Variants in DHRS11 observed in about 807,000 individuals in gnomAD.
DHRS11 encodes dehydrogenase/reductase SDR family member 11.
Under a neutral mutation model 30.7 loss-of-function variants are expected in DHRS11, and 18 were observed. The observed-to-expected ratio is 0.59, with a 90% CI of 0.41 to 0.87. DHRS11 has a LOEUF of 0.87. DHRS11 is among the 40% of genes least tolerant of loss of function. DHRS11 has a pLI of 0.00. For missense variants in DHRS11, 300 were observed against 349.0 expected (o/e 0.86, Z 1.12); for synonymous variants, 123 against 139.6 (o/e 0.88, Z 0.84).
At chr17:36,594,596 TAG>T (rs1009744035) in intron 1 of DHRS11, 13 of 290,668 alleles carry the variant, frequency 4.5e-5, no homozygotes, top group African/African-American at 2.7e-4. Context: ...GTATTTTCAG[TAG>T]AGATAGGGTT....
chr17:36,596,654 T>G (rs974358544), intron 2 of DHRS11: 3 of 380,254 alleles, frequency 7.9e-6, no homozygotes, highest in Non-Finnish European at 1.6e-5. Flanking sequence ...GGAAGGGTTT[T>G]TAAAATGTTT....
At chr17:36,597,147 G>T (rs572099889) in intron 2 of DHRS11, 1 of 267,882 alleles carries the variant, frequency 3.7e-6, no homozygotes, top group Middle Eastern at 1.4e-3. Flanking sequence ...CAGGGGCTGA[G>T]TTCTCTGCCT....
rs2074841597 is a variant in DHRS11 at position 36,599,748 on chromosome 17, C to T, written c.660C>T (p.Thr220=). 6 of 1,614,204 alleles carry T rather than the reference C, an allele frequency of 3.7e-6. No homozygotes were observed. Among genetic ancestry groups the T allele is most frequent in the Non-Finnish European group, 5.1e-6 (6 of 1,180,036 alleles). Residue 220 remains threonine (T), a synonymous_variant, in exon 5 of 7, where the codon ACC becomes ACT. Coordinates refer to ENST00000618403, the MANE Select transcript of DHRS11 (RefSeq NM_024308.4). ...AGGACCCTGAGAAGGCAGCTGCCACCTATGAGCAAATGAAGGTGGGGCCTC... is the reference window on the plus strand; with the variant it reads ...AGGACCCTGAGAAGGCAGCTGCCACTTATGAGCAAATGAAGGTGGGGCCTC... ...HDKDPEKAAA[T]YEQMKCLKPE... is the part of the protein sequence containing the mutation.
intron 1 of DHRS11, 127 bp from the exon 2 acceptor site, chr17:36,594,844 C>T (rs993803955): frequency 1.2e-5 from 11 of 927,910 alleles, no homozygotes; most frequent in East Asian, 5.2e-5. Context: ...CCAACATCTT[C>T]GTGGCTGAAA....
intron 2 of DHRS11, 92 bp downstream of exon 2, chr17:36,595,272 G>A: frequency 7.0e-7 from 1 of 1,435,268 alleles, no homozygotes; most frequent in Non-Finnish European, 9.5e-7. Flanking sequence ...CTGGGGACGG[G>A]ACATCTAGGA....
At chr17:36,595,230 G>A in intron 2 of DHRS11, 50 bp downstream of exon 2, 1 of 1,602,262 alleles carries the variant, frequency 6.2e-7, no homozygotes, top group Non-Finnish European at 8.5e-7. Flanking sequence ...GGAGGAGAGA[G>A]GGGAGCCAGG....
Position 36,599,151 on chromosome 17 carries a change from G to T in DHRS11, c.582+101G>T, listed in dbSNP as rs557136875. The T allele has an allele frequency of 5.3e-5, 78 of 1,477,372 alleles. No individual in the cohort carries two copies. In the African/African-American group the frequency reaches 1.0e-3, roughly 19 times the overall value. The allele number at this position is 1,477,372 out of a possible 1,614,324, so 91.5% of individuals were successfully genotyped here. On this transcript the variant is annotated intron_variant, in intron 4 of 6. Coordinates refer to ENST00000618403, the MANE Select transcript of DHRS11 (RefSeq NM_024308.4). ...CCATGTTCAGAATGTGCCGCTCAGA[G>T]CTCCTGGGAGTGGACTGGGCACAGA...
chr17:36,599,752 G>A lies in DHRS11; in HGVS notation c.664G>A (p.Glu222Lys). The change falls in exon 5 of 7, where the codon GAG (glutamate) becomes AAG (lysine). Residue 222 changes from glutamate to lysine, a missense_variant. Glu to Lys is a moderately conservative substitution (Grantham distance 56, BLOSUM62 1). Transcript: ENST00000618403. ...CCCTGAGAAGGCAGCTGCCACCTAT[G>A]AGCAAATGAAGGTGGGGCCTCCCTC... ...KDPEKAAATY[E>K]QMKCLKPEDV... 1 of 1,614,184 alleles carries A rather than the reference G, an allele frequency of 6.2e-7. No homozygotes were observed. The highest frequency in any genetic ancestry group is 1.7e-5 in the Admixed American group (1 of 60,012).
rs938861218 is a variant in DHRS11, at chr17:36,592,665, G to A, written c.147+509G>A. 3.9e-5 allele frequency among the ~76,000 whole-genome samples: 6 copies of A among 152,198 alleles called. No individual in the cohort carries two copies. The highest frequency in any genetic ancestry group is 4.8e-5 in the African/African-American group (2 of 41,444). ...GAATGAATGGAATATTCATTAGTGG[G>A]CCCTCCTCCACTCTCCTGGGGCGAA... is the stretch of plus-strand genomic sequence containing the variant. On this transcript the variant is annotated intron_variant, in intron 1 of 6. Coordinates refer to ENST00000618403, the MANE Select transcript of DHRS11 (RefSeq NM_024308.4). This position sits in a 1 kb window ranked among gnomAD's most constrained non-coding sequence, Gnocchi z 4.4.
At chr17:36,593,206 C>T (rs973276802) in intron 1 of DHRS11, among the ~76,000 whole-genome samples, 1 of 152,208 alleles carries the variant, frequency 6.6e-6, no homozygotes, top group African/African-American at 2.4e-5. Flanking sequence ...CACCTACTCC[C>T]CTACCGCAAG....
At chr17:36,599,823 G>C (rs1014406837) in intron 5 of DHRS11, 60 bp downstream of exon 5, 1 of 1,601,146 alleles carries the variant, frequency 6.2e-7, no homozygotes, top group African/African-American at 1.3e-5. Context: ...GCAGAGGGAA[G>C]CTCGGCCTTC....
Position 36,599,042 on chromosome 17 carries a change from C to T in DHRS11, c.574C>T (p.Arg192Ter), listed in dbSNP as rs777478465. ...GCTTCGGGAGGCCCAGACCCACATC[C>T]GAGCCACGGTGAGGCTGTGGCCTAG... Reference protein sequence around the residue: ...QELREAQTHIRATCISPGVVE... With the variant: ...QELREAQTHI Residue 192 changes from arginine (R) to a stop codon, truncating the protein, a stop_gained, in exon 4 of 7, where the codon CGA (arginine) becomes TGA (stop). Coordinates refer to ENST00000618403, the MANE Select transcript of DHRS11 (RefSeq NM_024308.4). LOFTEE classifies it high-confidence loss of function. 28 of 1,611,614 alleles carry T rather than the reference C, an allele frequency of 1.7e-5. No individual in the cohort carries two copies. Among genetic ancestry groups the T allele is most frequent in the Admixed American group, 3.3e-5 (2 of 59,990 alleles).
intron 1 of DHRS11, among the ~76,000 whole-genome samples, chr17:36,593,547 T>C (rs976797408): frequency 2.6e-5 from 4 of 152,164 alleles, no homozygotes; most frequent in Non-Finnish European, 5.9e-5. Flanking sequence ...GATTCAGTCA[T>C]TGATGTTAAA....
chr17:36,592,105 C>A lies in DHRS11; in HGVS notation c.96C>A (p.Val32=). 1 of 1,264,860 alleles carries A rather than the reference C, an allele frequency of 7.9e-7. No individual in the cohort carries two copies. Among genetic ancestry groups the A allele is most frequent in the Non-Finnish European group, 1.0e-6 (1 of 1,004,728 alleles). The allele number at this position is 1,264,860 out of a possible 1,614,324, so 78.4% of individuals were successfully genotyped here. ...GCGCGGCCGTGGCCCGGGCCCTGGTCCAGCAGGGACTGAAGGTGGTGGGCT... is the reference window on the plus strand; with the variant it reads ...GCGCGGCCGTGGCCCGGGCCCTGGTACAGCAGGGACTGAAGGTGGTGGGCT... ...GIGAAVARAL[V]QQGLKVVGCA... Residue 32 remains valine (V), a synonymous_variant, in exon 1 of 7, where the codon GTC becomes GTA. Coordinates refer to ENST00000618403, the MANE Select transcript of DHRS11 (RefSeq NM_024308.4). The surrounding 1 kb of genome is among the most constrained non-coding windows in gnomAD (Gnocchi z 4.4).
chr17:36,599,891 A>G (rs2074843383), intron 5 of DHRS11, 81 bp from the exon 6 acceptor site: 10 of 1,578,060 alleles, frequency 6.3e-6, no homozygotes, highest in Non-Finnish European at 8.7e-6. Context: ...GGATGTGTGG[A>G]TGCCACAGAG....
At chr17:36,598,633 G>T in intron 3 of DHRS11, 1 of 513,886 alleles carries the variant, frequency 1.9e-6, no homozygotes, top group South Asian at 2.6e-5. Flanking sequence ...CAATAGAACC[G>T]TATCAGTGAA....
At chr17:36,594,004 G>A (rs548512340) in intron 1 of DHRS11, among the ~76,000 whole-genome samples, 2 of 152,248 alleles carry the variant, frequency 1.3e-5, no homozygotes, top group African/African-American at 2.4e-5. Context: ...TGCACAGGGG[G>A]TGTTCAATGG....
chr17:36,592,016 A>T lies in DHRS11; in HGVS notation c.7A>T (p.Arg3Trp). The change falls in exon 1 of 7, where the codon AGG (arginine) becomes TGG (tryptophan). Residue 3 changes from arginine to tryptophan, a missense_variant. Transcript: ENST00000618403. The surrounding 1 kb of genome is among the most constrained non-coding windows in gnomAD (Gnocchi z 4.4). MA[R>W]PGMERWRDRL... ...GGACGGGCGGCGTGGGCCCATGGCC[A>T]GGCCCGGCATGGAGCGGTGGCGCGA... 1 of 1,228,324 alleles carries T rather than the reference A, an allele frequency of 8.1e-7. No homozygotes were observed. The allele number at this position is 1,228,324 out of a possible 1,614,324, so 76.1% of individuals were successfully genotyped here. A position where few individuals can be genotyped will look rare whatever the true frequency, so the allele number is the denominator to read the frequency against.
At chr17:36,598,636 T>C (rs1016486213) in intron 3 of DHRS11, 2 of 517,594 alleles carry the variant, frequency 3.9e-6, no homozygotes, top group African/African-American at 3.9e-5. Flanking sequence ...TAGAACCGTA[T>C]CAGTGAACAT....
Sources: allele counts gnomAD v4.1 joint callset (sites outside exome capture counted in the v4.1 genomes callset), GRCh38; gene constraint gnomAD v4.1.1; non-coding constraint Gnocchi (gnomAD v3.1); transcripts MANE v1.5; gene names NCBI Gene and HGNC (gene_info 2026-07-23, HGNC 2026-07-21).